Variants in OSBPL10 observed in about 807,000 individuals in gnomAD.
OSBPL10 encodes the protein oxysterol binding protein like 10, also known as oxysterol-binding protein-related protein 10.
Under a neutral mutation model 81.7 loss-of-function variants are expected in OSBPL10, and 49 were observed. That is an observed-to-expected ratio of 0.60 (90% CI 0.48 to 0.76). OSBPL10 has a LOEUF of 0.76. Ranked by LOEUF, OSBPL10 falls within the 30% of genes least tolerant of loss-of-function variation. The pLI is 0.00. For synonymous variants in OSBPL10, 419 were observed against 383.6 expected (o/e 1.09, Z -1.08); for missense variants, 923 against 987.8 (o/e 0.93, Z 0.88).
At chr3:32,067,512 C>T (rs1390574654) in intron 1 of OSBPL10, among the ~76,000 whole-genome samples, 1 of 152,186 alleles carries the variant, frequency 6.6e-6, no homozygotes, top group Non-Finnish European at 1.5e-5. Flanking sequence ...CCCCTGTGAC[C>T]TGCACATATA....
intron 6 of OSBPL10, among the ~76,000 whole-genome samples, chr3:31,713,109 C>G (rs1162544882): frequency 6.6e-6 from 1 of 152,188 alleles, no homozygotes; most frequent in Non-Finnish European, 1.5e-5. Flanking sequence ...TCATAAAGTT[C>G]ATCACATAAC....
chr3:31,983,960 A>C (rs1698898265), upstream of OSBPL10, among the ~76,000 whole-genome samples: 1 of 152,206 alleles, frequency 6.6e-6, no homozygotes, highest in Non-Finnish European at 1.5e-5. Context: ...GGGCCAGCCA[A>C]GCTGGAGCAC....
At chr3:31,705,372 A>AC (rs3840254) in intron 6 of OSBPL10, among the ~76,000 whole-genome samples, 282 of 130,504 alleles carry the variant, frequency 2.2e-3, no homozygotes, top group Middle Eastern at 0.011. Context: ...CAAAGAGAAG[A>AC]CCCCCCCCCC....
At chr3:31,975,291 G>A (rs995098266) in intron 1 of OSBPL10, among the ~76,000 whole-genome samples, 3 of 152,150 alleles carry the variant, frequency 2.0e-5, no homozygotes, top group Non-Finnish European at 4.4e-5. Context: ...AGGAAGATAT[G>A]CAGATATTTC....
At chr3:31,847,211 TA>T (rs369782801) in intron 3 of OSBPL10, among the ~76,000 whole-genome samples, 1 of 148,658 alleles carries the variant, frequency 6.7e-6, no homozygotes, top group Non-Finnish European at 1.5e-5. Flanking sequence ...TTTTTTTTTT[TA>T]AAAAGACAGA....
intron 3 of OSBPL10, among the ~76,000 whole-genome samples, chr3:31,833,437 T>C (rs1056859856): frequency 6.6e-6 from 1 of 152,220 alleles, no homozygotes; most frequent in Non-Finnish European, 1.5e-5. Flanking sequence ...AGATTATGCA[T>C]ATACAATACT....
intron 10 of OSBPL10, chr3:31,664,627 C>T (rs901062074): frequency 7.3e-5 from 17 of 232,416 alleles, no homozygotes; most frequent in Admixed American, 4.6e-4. Context: ...ATATTATAGA[C>T]GGTAGATTCT....
intron 4 of OSBPL10, among the ~76,000 whole-genome samples, chr3:31,766,755 A>G (rs1271470277): frequency 6.6e-6 from 1 of 152,216 alleles, no homozygotes; most frequent in Admixed American, 6.5e-5. Context: ...GCTTTTATCC[A>G]AGACAATTAA....
intron 2 of OSBPL10, among the ~76,000 whole-genome samples, chr3:32,021,186 T>C (rs1005458238): frequency 1.3e-5 from 2 of 152,216 alleles, no homozygotes; most frequent in African/African-American, 4.8e-5. Flanking sequence ...GGTTAAGACC[T>C]CAATATATGA....
chr3:31,995,519 G>A lies in OSBPL10; in HGVS notation n.298+50972C>T, dbSNP rs142636464. On this transcript the variant is annotated intron_variant and non_coding_transcript_variant, in intron 2 of 3. Coordinates refer to the OSBPL10 transcript ENST00000479173. ...TTGTCTTCCCTTGTTCCCTAAAATC[G>A]CTGTTATTCTGTTCTTTTTCAAGGT... Among the ~76,000 whole-genome samples the A allele has an allele frequency of 4.6e-3, 700 of 152,118 alleles. 5 individuals carry two copies. The highest frequency in any genetic ancestry group is 0.016 in the African/African-American group (663 of 41,482).
intron 1 of OSBPL10, among the ~76,000 whole-genome samples, chr3:31,936,615 G>A (rs1446787409): frequency 6.6e-6 from 1 of 152,016 alleles, no homozygotes; most frequent in Non-Finnish European, 1.5e-5. Context: ...ACACACACAG[G>A]TATCTCCTTG....
At chr3:32,055,350 C>A (rs934228401) in intron 1 of OSBPL10, among the ~76,000 whole-genome samples, 1 of 151,740 alleles carries the variant, frequency 6.6e-6, no homozygotes, top group Non-Finnish European at 1.5e-5. Context: ...ATTACAGGTG[C>A]ATGCCACCAC....
intron 5 of OSBPL10, among the ~76,000 whole-genome samples, chr3:31,743,286 G>A (rs1697415396): frequency 3.3e-5 from 5 of 151,922 alleles, no homozygotes; most frequent in South Asian, 2.1e-4. Context: ...TGATCCACCC[G>A]GCCCGGCCTC....
chr3:31,817,708 TC>T (rs1220546940), intron 4 of OSBPL10, among the ~76,000 whole-genome samples: 2 of 152,052 alleles, frequency 1.3e-5, no homozygotes, highest in Non-Finnish European at 2.9e-5. Context: ...GAGGCCTGGG[TC>T]TGGACTGCGG....
At chr3:32,068,635 G>A (rs142443488) in intron 1 of OSBPL10, among the ~76,000 whole-genome samples, 7 of 152,114 alleles carry the variant, frequency 4.6e-5, no homozygotes, top group African/African-American at 7.2e-5. Flanking sequence ...GCCAGAAAAC[G>A]GCACTTTTGA....
At chr3:31,726,831 T>TTTATTATTATTA (rs142826584) in intron 6 of OSBPL10, among the ~76,000 whole-genome samples, 2 of 149,616 alleles carry the variant, frequency 1.3e-5, no homozygotes, top group African/African-American at 5.0e-5. Context: ...TGTGCAAAAA[T>TTTATTATTATTA]TTATTATTAT....
intron 6 of OSBPL10, among the ~76,000 whole-genome samples, chr3:31,729,713 C>A (rs1315036032): frequency 6.6e-6 from 1 of 152,202 alleles, no homozygotes; most frequent in Non-Finnish European, 1.5e-5. Context: ...GCCACCACGC[C>A]CAGCCGGCAC....
chr3:31,878,042 C>A (rs1701521835), intron 2 of OSBPL10, among the ~76,000 whole-genome samples: 1 of 152,052 alleles, frequency 6.6e-6, no homozygotes, highest in Non-Finnish European at 1.5e-5. Context: ...TAAGGACAAG[C>A]CATAAACATG....
At position 31,990,608 on chromosome 3, in the gene OSBPL10, A is replaced by G. The variant is rs1478673881; in HGVS notation, n.298+55883T>C. On this transcript the variant is annotated intron_variant and non_coding_transcript_variant, in intron 2 of 3. Coordinates refer to the OSBPL10 transcript ENST00000479173. ...GCAATTCATACTGGAGAGAAACCTT[A>G]CAAGTGTAATGAATGTGGCAAGGTT... is the stretch of plus-strand genomic sequence containing the variant. 5 of 1,614,062 alleles carry G rather than the reference A, an allele frequency of 3.1e-6. 1 individual carries two copies. The Admixed American group carries it at 6.7e-5, about 22-fold the overall frequency.
Sources: gnomAD v4.1 joint callset for allele counts (sites outside exome capture counted in the v4.1 genomes callset) on GRCh38, gnomAD v4.1.1 for gene constraint, MANE v1.5 for transcripts, NCBI Gene and HGNC (gene_info 2026-07-23, HGNC 2026-07-21) for gene names.